The following CYP4B1 variants were observed in gnomAD, a reference collection of about 807,000 sequenced individuals.
The protein encoded by CYP4B1 is cytochrome P450 family 4 subfamily B member 1.
In CYP4B1, 45 loss-of-function variants were observed where a neutral mutation model predicts 54.0. The observed-to-expected ratio is 0.83, with a 90% CI of 0.66 to 1.07. The LOEUF (loss-of-function observed/expected upper bound fraction) is 1.07, where lower values mean the gene tolerates loss of function less well. CYP4B1 is among the 50% of genes least tolerant of loss of function. The pLI is 0.00. For missense variants in CYP4B1, 656 were observed against 655.4 expected (o/e 1.00, Z -0.01); for synonymous variants, 248 against 247.5 (o/e 1.00, Z -0.02).
intron 1 of CYP4B1, among the ~76,000 whole-genome samples, chr1:46,803,039 G>T (rs148987241): frequency 2.0e-5 from 3 of 152,336 alleles, no homozygotes; most frequent in Non-Finnish European, 4.4e-5. Flanking sequence ...TGGTGACAGG[G>T]AGGACAGAAT....
At position 46,810,837 on chromosome 1, in the gene CYP4B1, G is replaced by C; in HGVS notation, c.210G>C (p.Val70=). Reference sequence around the variant, plus strand: ...AGGAGACGGGGAGCCTGGACAAAGTGGTGTCCTGGGCCCACCAGTTCCCGT... The same window carrying C: ...AGGAGACGGGGAGCCTGGACAAAGTCGTGTCCTGGGCCCACCAGTTCCCGT... ...EIQETGSLDK[V]VSWAHQFPYA... Residue 70 remains valine, a synonymous_variant, in exon 2 of 12, where the codon GTG becomes GTC. Coordinates refer to ENST00000371923, the MANE Select transcript of CYP4B1 (RefSeq NM_001099772.2). 6.2e-7 allele frequency: 1 copy of C among 1,614,144 alleles called. No individual in the cohort carries two copies. The highest frequency in any genetic ancestry group is 8.5e-7 in the Non-Finnish European group (1 of 1,180,014).
At position 46,818,880 on chromosome 1, in the gene CYP4B1, C is replaced by G. The variant is rs1679448903; in HGVS notation, c.*66C>G. The G allele has an allele frequency of 1.9e-5, 29 of 1,552,068 alleles. No individual in the cohort carries two copies. The highest frequency in any genetic ancestry group is 2.6e-5 in the Non-Finnish European group (29 of 1,135,544). ...CTCCCTGGGCACCACCCTCCCCAGG[C>G]TGGGTGTGGAGGAGTTGGGGCCCCC... On this transcript the variant is annotated 3_prime_UTR_variant, in exon 12 of 12. Coordinates refer to ENST00000371923, the MANE Select transcript of CYP4B1 (RefSeq NM_001099772.2).
intron 1 of CYP4B1, among the ~76,000 whole-genome samples, chr1:46,809,965 C>G (rs536359002): frequency 1.1e-4 from 17 of 152,280 alleles, no homozygotes; most frequent in African/African-American, 4.1e-4. Flanking sequence ...AGAAAAACCT[C>G]CAAAGGACAT....
At chr1:46,815,632 A>G (rs1679306679) in intron 8 of CYP4B1, among the ~76,000 whole-genome samples, 1 of 152,162 alleles carries the variant, frequency 6.6e-6, no homozygotes. Flanking sequence ...CAGAGCTGAG[A>G]CAGCTGGGAG....
intron 9 of CYP4B1, 104 bp from the exon 10 acceptor site, chr1:46,817,861 A>G: frequency 2.1e-6 from 2 of 938,034 alleles, no homozygotes; most frequent in Admixed American, 3.5e-5. Context: ...GTCAGGCAGG[A>G]GCTGGCACCC....
At chr1:46,813,389 T>C (rs1380482077) in intron 4 of CYP4B1, 93 bp from the exon 5 acceptor site, 1 of 1,499,684 alleles carries the variant, frequency 6.7e-7, no homozygotes, top group African/African-American at 1.4e-5. Context: ...TGGTGGAGGA[T>C]AGGCTACGGG....
chr1:46,814,039 TGC>T lies in CYP4B1; in HGVS notation c.752_753del (p.Cys251SerfsTer5). 1 of 1,614,140 alleles carries T rather than the reference TGC, an allele frequency of 6.2e-7. No homozygotes were observed. The highest frequency in any genetic ancestry group is 8.5e-7 in the Non-Finnish European group (1 of 1,180,016). ...ACATGGCCGCCGCTTCCTGCGGGCC[TGC>T]CAGGTGGCCCATGACCATACAGGTG... ...TPHGRRFLRA[C>X]QVAHDHTDQV... On this transcript the variant is annotated frameshift_variant, in exon 6 of 12. Coordinates refer to ENST00000371923, the MANE Select transcript of CYP4B1 (RefSeq NM_001099772.2). LOFTEE classifies it high-confidence loss of function.
Position 46,815,392 on chromosome 1 carries a change from C to G in CYP4B1, c.1073+128C>G, listed in dbSNP as rs544278601. 1.3e-4 allele frequency: 102 copies of G among 804,494 alleles called. No homozygotes were observed. In the African/African-American group the frequency reaches 1.8e-3, roughly 14 times the overall value. The allele number at this position is 804,494 out of a possible 1,614,324, so 49.8% of individuals were successfully genotyped here. Reference sequence around the variant, plus strand: ...TATCCTGTTACCCCCAGTGTCATACCTTTTGTGGTGGTGGGGGGTGGGGAG... The same window carrying G: ...TATCCTGTTACCCCCAGTGTCATACGTTTTGTGGTGGTGGGGGGTGGGGAG... On this transcript the variant is annotated intron_variant, in intron 8 of 11. Transcript: ENST00000371923.
intron 1 of CYP4B1, among the ~76,000 whole-genome samples, chr1:46,802,081 CT>C: frequency 6.6e-6 from 1 of 152,170 alleles, no homozygotes; most frequent in East Asian, 1.9e-4. Context: ...CAGGGTCCCC[CT>C]CATTCCAGTC....
intron 1 of CYP4B1, among the ~76,000 whole-genome samples, chr1:46,803,227 T>C (rs889695167): frequency 2.6e-5 from 4 of 152,168 alleles, no homozygotes; most frequent in Admixed American, 1.3e-4. Flanking sequence ...GCGAACAGAT[T>C]GACAGAGGGC....
At chr1:46,805,595 C>T (rs1295805960) in intron 1 of CYP4B1, among the ~76,000 whole-genome samples, 1 of 152,188 alleles carries the variant, frequency 6.6e-6, no homozygotes, top group Non-Finnish European at 1.5e-5. Context: ...AGGAAGTCAC[C>T]TCTCTGCTCC....
chr1:46,810,195 C>T (rs1679041835), intron 1 of CYP4B1, among the ~76,000 whole-genome samples: 1 of 152,210 alleles, frequency 6.6e-6, no homozygotes, highest in Admixed American at 6.5e-5. Flanking sequence ...TCCAAGATTA[C>T]CCTATCTAAG....
At chr1:46,807,904 T>C (rs1678924862) in intron 1 of CYP4B1, among the ~76,000 whole-genome samples, 1 of 152,250 alleles carries the variant, frequency 6.6e-6, no homozygotes, top group African/African-American at 2.4e-5. Flanking sequence ...TCTTTAAGAA[T>C]GTTCCCTGGA....
intron 1 of CYP4B1, chr1:46,806,683 AATCCCTCC>A (rs1678874810): frequency 6.6e-6 from 1 of 152,220 alleles, no homozygotes; most frequent in African/African-American, 2.4e-5. Context: ...TGCTCTTCCC[AATCCCTCC>A]AGTGGTTTAT....
At chr1:46,803,290 T>C (rs1054659355) in intron 1 of CYP4B1, among the ~76,000 whole-genome samples, 3 of 151,896 alleles carry the variant, frequency 2.0e-5, no homozygotes, top group East Asian at 1.9e-4. Context: ...CCACCTTGTG[T>C]TGGGGAGTGA....
intron 1 of CYP4B1, among the ~76,000 whole-genome samples, chr1:46,801,348 T>C (rs1264886341): frequency 6.6e-6 from 1 of 152,210 alleles, no homozygotes; most frequent in Non-Finnish European, 1.5e-5. Flanking sequence ...TTCGTCAAAG[T>C]TGTGTTTGCC....
chr1:46,812,842 C>G (rs1679167416), intron 4 of CYP4B1, among the ~76,000 whole-genome samples: 1 of 152,196 alleles, frequency 6.6e-6, no homozygotes, highest in African/African-American at 2.4e-5. Flanking sequence ...AGTGTCCTGG[C>G]AGCCCGATCC....
In CYP4B1 at chr1:46,812,636, T is replaced by C. The variant is rs747930734; in HGVS notation, c.495+13T>C. 1.3e-5 allele frequency: 21 copies of C among 1,612,452 alleles called. No homozygotes were observed. In the Admixed American group the frequency reaches 3.3e-4, roughly 26 times the overall value. On this transcript the variant is annotated intron_variant, in intron 4 of 11. Transcript: ENST00000371923. ...ACGTATCATGCTGGTGAGCTCCCTG[T>C]GCCAGAGTACTGGAGGCTGTTGCCT... is the stretch of plus-strand genomic sequence containing the variant.
At chr1:46,807,862 C>A (rs1678923577) in intron 1 of CYP4B1, among the ~76,000 whole-genome samples, 1 of 152,202 alleles carries the variant, frequency 6.6e-6, no homozygotes, top group African/African-American at 2.4e-5. Context: ...GAAAGGATCC[C>A]TGGGGGCTAC....
Sources: allele counts gnomAD v4.1 joint callset (sites outside exome capture counted in the v4.1 genomes callset), GRCh38; gene constraint gnomAD v4.1.1; transcripts MANE v1.5; gene names NCBI Gene and HGNC (gene_info 2026-07-23, HGNC 2026-07-21).